Variants in TUBGCP5 observed in about 807,000 individuals in gnomAD.
The protein encoded by TUBGCP5 is tubulin gamma complex component 5, also known as gamma-tubulin complex component 5.
TUBGCP5 carries 98 observed loss-of-function variants against 134.7 expected under a neutral mutation model. The ratio of observed to expected loss-of-function variants is 0.73; its 90% CI spans 0.62 to 0.86. The LOEUF is 0.86. Ranked by LOEUF, TUBGCP5 falls within the 40% of genes least tolerant of loss-of-function variation. The pLI, the probability that TUBGCP5 is intolerant of heterozygous loss-of-function variation, is 0.00. For synonymous variants in TUBGCP5, 456 were observed against 431.4 expected, an observed-to-expected ratio of 1.06 and a Z score of -0.71; for missense variants, 1,150 against 1,244.8, an observed-to-expected ratio of 0.92 and a Z score of 1.15.
At chr15:23,034,645 G>A (rs1433152437) in intron 3 of TUBGCP5, among the ~76,000 whole-genome samples, 1 of 151,846 alleles carries the variant, frequency 6.6e-6, no homozygotes, top group African/African-American at 2.4e-5. Flanking sequence ...GATCACTTGA[G>A]GTCAGGAGTT....
chr15:23,017,789 G>A lies in TUBGCP5; in HGVS notation c.1740C>T (p.Cys580=). The part of the protein sequence containing the change: ...KNLQCAESTT[C]QAGARDAERK... ...AACAAGTACCTCTGGCTCCTGCCTG[G>A]CAGGTGGTGCTCTCCGCACACTGCA... Residue 580 remains cysteine, a synonymous_variant, in exon 13 of 23, where the codon TGC becomes TGT. Coordinates refer to ENST00000615383, the MANE Select transcript of TUBGCP5 (RefSeq NM_052903.6). 7 of 1,613,450 alleles carry A rather than the reference G, an allele frequency of 4.3e-6. No individual in the cohort carries two copies. The highest frequency in any genetic ancestry group is 5.1e-6 in the Non-Finnish European group (6 of 1,179,588).
At position 23,026,260 on chromosome 15, in the gene TUBGCP5, C is replaced by G. The variant is rs559650345; in HGVS notation, c.738-55G>C. The G allele has an allele frequency of 2.0e-6, 3 of 1,482,836 alleles. No homozygotes were observed. The African/African-American group carries it at 4.2e-5, about 21-fold the overall frequency. 91.9% of individuals were successfully genotyped at this position (1,482,836 alleles called of 1,614,324 possible). A position where few individuals can be genotyped will look rare whatever the true frequency, so the allele number is the denominator to read the frequency against. On this transcript the variant is annotated intron_variant, in intron 7 of 22. Coordinates refer to ENST00000615383, the MANE Select transcript of TUBGCP5 (RefSeq NM_052903.6). ...GAAAGGTTTCTAAGTAAGTAAATAA[C>G]TTATCTCAAAGAATATCTGCAATTT...
At chr15:23,038,613 T>C (rs1003285766) in intron 1 of TUBGCP5, among the ~76,000 whole-genome samples, 1 of 152,214 alleles carries the variant, frequency 6.6e-6, no homozygotes, top group Non-Finnish European at 1.5e-5. Flanking sequence ...ATTACGGATT[T>C]TGAAAAACTG....
In TUBGCP5 at chr15:23,026,303, C is replaced by T. The variant is rs375528345; in HGVS notation, c.738-98G>A. 1.5e-5 allele frequency: 15 copies of T among 1,016,854 alleles called. No individual in the cohort carries two copies. In the East Asian group the frequency reaches 2.2e-4, roughly 15 times the overall value. 63.0% of individuals were successfully genotyped at this position (1,016,854 alleles called of 1,614,324 possible). On this transcript the variant is annotated intron_variant, in intron 7 of 22. Transcript: ENST00000615383. ...TGCAATTTAGTGCTAACTTAAGTAG[C>T]AATCAACTAACAAGTATACATAATA...
intron 1 of TUBGCP5, among the ~76,000 whole-genome samples, chr15:23,039,184 T>C (rs937860159): frequency 1.3e-5 from 2 of 151,768 alleles, no homozygotes; most frequent in Non-Finnish European, 2.9e-5. Flanking sequence ...TCAGGACGCG[T>C]CCCGGGTAAC....
chr15:23,037,057 A>C (rs1291054090), intron 2 of TUBGCP5, 42 bp downstream of exon 2: 1 of 1,599,268 alleles, frequency 6.3e-7, no homozygotes, highest in African/African-American at 1.3e-5. Context: ...CTATAAGAAA[A>C]TACATATATT....
At chr15:22,998,680 T>C (rs1207028012), downstream of TUBGCP5, among the ~76,000 whole-genome samples, 1 of 151,982 alleles carries the variant, frequency 6.6e-6, no homozygotes, top group Non-Finnish European at 1.5e-5. Flanking sequence ...AGTGGTACAA[T>C]CTAGGCTCAC....
Position 23,017,792 on chromosome 15 carries a change from G to C in TUBGCP5, c.1737C>G (p.Thr579=). The change falls in exon 13 of 23, where the codon ACC becomes ACG. Residue 579 remains threonine, a synonymous_variant. Transcript: ENST00000615383. ...LKNLQCAEST[T]CQAGARDAER... ...AAGTACCTCTGGCTCCTGCCTGGCAGGTGGTGCTCTCCGCACACTGCAGGT... is the reference window on the plus strand; with the variant it reads ...AAGTACCTCTGGCTCCTGCCTGGCACGTGGTGCTCTCCGCACACTGCAGGT... 1 of 1,613,682 alleles carries C rather than the reference G, an allele frequency of 6.2e-7. No individual in the cohort carries two copies. The highest frequency in any genetic ancestry group is 8.5e-7 in the Non-Finnish European group (1 of 1,179,718).
chr15:23,011,005 A>G (rs2065003079), intron 14 of TUBGCP5, 128 bp downstream of exon 14: 1 of 894,124 alleles, frequency 1.1e-6, no homozygotes, highest in Non-Finnish European at 1.7e-6. Flanking sequence ...AAAAAAGGAA[A>G]AAGAAAAAAG....
chr15:23,031,951 G>T lies in TUBGCP5; in HGVS notation c.485C>A (p.Pro162Gln). Residue 162 changes from proline to glutamine, a missense_variant and splice_region_variant, in exon 5 of 23, where the codon CCA (proline) becomes CAA (glutamine). Transcript: ENST00000615383. ...EMDIGPYMDTPNWSEESEEEN... is the reference protein window; with the variant it reads ...EMDIGPYMDTQNWSEESEEEN... Reference sequence around the variant, plus strand: ...AATAGCAAAACTACTACCACTTACTGGTGTGTCCATGTACGGACCAATGTC... The same window carrying T: ...AATAGCAAAACTACTACCACTTACTTGTGTGTCCATGTACGGACCAATGTC... The T allele has an allele frequency of 6.2e-7, 1 of 1,602,360 alleles. No individual in the cohort carries two copies. Among genetic ancestry groups the T allele is most frequent in the South Asian group, 1.1e-5 (1 of 88,826 alleles).
chr15:23,015,224 T>C (rs1198679400), intron 13 of TUBGCP5, among the ~76,000 whole-genome samples: 1 of 151,950 alleles, frequency 6.6e-6, no homozygotes, highest in Non-Finnish European at 1.5e-5. Flanking sequence ...CAGCTGGGAT[T>C]ATAGGCATGC....
chr15:23,039,111 G>C (rs1482733398), intron 1 of TUBGCP5, among the ~76,000 whole-genome samples: 1 of 151,984 alleles, frequency 6.6e-6, no homozygotes, highest in Non-Finnish European at 1.5e-5. Flanking sequence ...CTCCCAGAGC[G>C]CTGGGGTTGC....
chr15:22,987,674 A>G (rs1364633854), intron 23 of TUBGCP5, among the ~76,000 whole-genome samples: 1 of 151,606 alleles, frequency 6.6e-6, no homozygotes, highest in Non-Finnish European at 1.5e-5. Context: ...AGGTGGGTGG[A>G]TCATGAGGTC....
rs143297589 is a variant in TUBGCP5, at chr15:23,021,686, G to A, written c.1371+273C>T. ...CATGTCATGTTAGTTACATGTTAGT[G>A]TTTATGTAAGAAAGCGTTATTGTAA... On this transcript the variant is annotated intron_variant, in intron 11 of 22. Coordinates refer to ENST00000615383, the MANE Select transcript of TUBGCP5 (RefSeq NM_052903.6). 2.7e-4 allele frequency among the ~76,000 whole-genome samples: 41 copies of A among 152,282 alleles called. No individual in the cohort carries two copies. The East Asian group carries it at 7.9e-3, about 29-fold the overall frequency.
At chr15:23,024,300 A>C in intron 9 of TUBGCP5, 107 bp from the exon 10 acceptor site, 1 of 1,288,952 alleles carries the variant, frequency 7.8e-7, no homozygotes, top group Non-Finnish European at 1.1e-6. Flanking sequence ...TTTAAACAGT[A>C]TGTTTAGTAG....
Position 23,021,981 on chromosome 15 carries a change from A to T in TUBGCP5, c.1349T>A (p.Val450Asp). The T allele has an allele frequency of 6.2e-7, 1 of 1,614,230 alleles. No homozygotes were observed. The highest frequency in any genetic ancestry group is 8.5e-7 in the Non-Finnish European group (1 of 1,180,036). ...TACGGTTTGCTCAGAGGCTTCTCCA[A>T]CATTGTCATATTCAAGAATGGCCTT... ...LYKAILEYDN[V>D]GEASEQTVSL... is the part of the protein sequence containing the mutation. Residue 450 changes from valine (V) to aspartate (D), a missense_variant, in exon 11 of 23, where the codon GTT (valine) becomes GAT (aspartate). By Grantham distance (152) the Val-to-Asp change is radical (BLOSUM62 -3). Transcript: ENST00000615383.
chr15:23,018,327 T>A (rs1595870985), intron 12 of TUBGCP5, among the ~76,000 whole-genome samples: 2 of 152,326 alleles, frequency 1.3e-5, no homozygotes, highest in African/African-American at 4.8e-5. Flanking sequence ...TAAAAGTTTA[T>A]CCATTTACCA....
chr15:22,989,619 C>G (rs1266873500), intron 23 of TUBGCP5, among the ~76,000 whole-genome samples: 1 of 152,190 alleles, frequency 6.6e-6, no homozygotes, highest in Non-Finnish European at 1.5e-5. Context: ...CTCCAGGGAT[C>G]CTCCCACCTG....
intron 15 of TUBGCP5, 58 bp from the exon 16 acceptor site, chr15:23,008,939 T>C (rs1363717788): frequency 1.2e-5 from 17 of 1,419,988 alleles, no homozygotes; most frequent in African/African-American, 5.9e-5. Flanking sequence ...GGCAGGATTC[T>C]GGATCAACAA....
Sources: allele counts gnomAD v4.1 joint callset (sites outside exome capture counted in the v4.1 genomes callset), GRCh38; gene constraint gnomAD v4.1.1; transcripts MANE v1.5; gene names NCBI Gene and HGNC (gene_info 2026-07-23, HGNC 2026-07-21).